Variants in IQCM observed in about 807,000 individuals in gnomAD.
IQCM encodes the protein IQ motif containing M.
Under a neutral mutation model 57.6 loss-of-function variants are expected in IQCM, and 45 were observed. The observed-to-expected ratio is 0.78, with a 90% CI of 0.62 to 1.00. The LOEUF is 1.00. IQCM is among the 50% of genes least tolerant of loss of function. The pLI, the probability that IQCM is intolerant of heterozygous loss-of-function variation, is 0.00. For missense variants in IQCM, 468 were observed against 511.6 expected, an observed-to-expected ratio of 0.91 and a Z score of 0.82; for synonymous variants, 148 against 158.9, an observed-to-expected ratio of 0.93 and a Z score of 0.51.
intron 2 of IQCM, among the ~76,000 whole-genome samples, chr4:149,805,789 T>A (rs1774024227): frequency 6.6e-6 from 1 of 152,052 alleles, no homozygotes; most frequent in Admixed American, 6.6e-5. Flanking sequence ...TTGATTTTTA[T>A]TTTTCATCTA....
intron 13 of IQCM, among the ~76,000 whole-genome samples, chr4:149,407,120 C>T (rs762309331): frequency 1.4e-4 from 22 of 152,094 alleles, no homozygotes; most frequent in East Asian, 3.9e-4. Flanking sequence ...TTACTCACTA[C>T]GATGAGAACA....
intron 10 of IQCM, among the ~76,000 whole-genome samples, chr4:149,554,033 T>C: frequency 6.6e-6 from 1 of 152,200 alleles, no homozygotes; most frequent in East Asian, 1.9e-4. Context: ...TCTTTATTAA[T>C]TCCTTTCTAA....
At chr4:149,638,616 AT>A (rs1757920362) in intron 7 of IQCM, among the ~76,000 whole-genome samples, 1 of 152,226 alleles carries the variant, frequency 6.6e-6, no homozygotes, top group South Asian at 2.1e-4. Flanking sequence ...ATCTAAAAAT[AT>A]TATGCTAATT....
chr4:149,593,900 A>G (rs1329841495), intron 8 of IQCM, among the ~76,000 whole-genome samples: 2 of 152,002 alleles, frequency 1.3e-5, no homozygotes, highest in Admixed American at 1.3e-4. Context: ...TTCATCAGAG[A>G]CATTGGTCTA....
chr4:149,490,197 T>C (rs956649761), intron 12 of IQCM, among the ~76,000 whole-genome samples: 10 of 152,106 alleles, frequency 6.6e-5, no homozygotes, highest in African/African-American at 2.2e-4. Context: ...TAAAATTCTT[T>C]AATTTTCAAT....
intron 2 of IQCM, among the ~76,000 whole-genome samples, chr4:149,802,553 C>T (rs985824362): frequency 1.3e-5 from 2 of 151,932 alleles, no homozygotes; most frequent in Non-Finnish European, 2.9e-5. Context: ...CCCTTGAAAA[C>T]CTGCTTGTAA....
intron 12 of IQCM, among the ~76,000 whole-genome samples, chr4:149,505,297 T>C (rs1743684803): frequency 6.6e-6 from 1 of 152,180 alleles, no homozygotes; most frequent in Non-Finnish European, 1.5e-5. Context: ...TTTAAAATAA[T>C]CTTTGTTTGA....
At chr4:149,490,204 C>T (rs546936358) in intron 12 of IQCM, among the ~76,000 whole-genome samples, 14 of 151,884 alleles carry the variant, frequency 9.2e-5, no homozygotes, top group South Asian at 2.1e-4. Flanking sequence ...CTTTAATTTT[C>T]AATTACCAGA....
At chr4:149,368,937 T>C (rs1438340135) in intron 13 of IQCM, among the ~76,000 whole-genome samples, 1 of 86,174 alleles carries the variant, frequency 1.2e-5, no homozygotes, top group East Asian at 3.0e-4. Context: ...TACACGTGTA[T>C]ATATATGTGT....
chr4:149,438,383 C>A (rs185648156), intron 12 of IQCM, among the ~76,000 whole-genome samples: 1 of 152,154 alleles, frequency 6.6e-6, no homozygotes, highest in East Asian at 1.9e-4. Flanking sequence ...ATGCATCCTT[C>A]ATGGACTACT....
intron 7 of IQCM, among the ~76,000 whole-genome samples, chr4:149,627,923 G>A (rs1756950096): frequency 6.6e-6 from 1 of 152,090 alleles, no homozygotes. Flanking sequence ...ATGGAGTGAT[G>A]TGAAAAAGGG....
At chr4:149,643,301 G>C (rs1758362607) in intron 7 of IQCM, among the ~76,000 whole-genome samples, 1 of 152,166 alleles carries the variant, frequency 6.6e-6, no homozygotes, top group African/African-American at 2.4e-5. Context: ...AGATGAACAA[G>C]AAGAAGCCCC....
chr4:149,555,790 G>T (rs1200792832), intron 10 of IQCM, among the ~76,000 whole-genome samples: 2 of 152,206 alleles, frequency 1.3e-5, no homozygotes, highest in East Asian at 3.8e-4. Flanking sequence ...TTGGACAGAT[G>T]ATGTTTCTGA....
chr4:149,734,645 A>G (rs1469833988), intron 4 of IQCM, among the ~76,000 whole-genome samples: 1 of 152,136 alleles, frequency 6.6e-6, no homozygotes, highest in Admixed American at 6.6e-5. Flanking sequence ...TTTGACACAC[A>G]GTAAACCATC....
chr4:149,779,541 T>C (rs1299549446), intron 2 of IQCM, among the ~76,000 whole-genome samples: 1 of 152,122 alleles, frequency 6.6e-6, no homozygotes, highest in Non-Finnish European at 1.5e-5. Flanking sequence ...AACAAATGGA[T>C]ATCTGTAGAC....
At chr4:149,442,945 CACACACACAGAGAGAGAG>C (rs1347979336) in intron 12 of IQCM, among the ~76,000 whole-genome samples, 3 of 55,382 alleles carry the variant, frequency 5.4e-5, no homozygotes, top group African/African-American at 2.4e-4. Context: ...CACACACACA[CACACACACAGAGAGAGAG>C]AGAGAGAGAG....
intron 12 of IQCM, among the ~76,000 whole-genome samples, chr4:149,481,148 G>C (rs1423596505): frequency 2.0e-5 from 3 of 152,050 alleles, no homozygotes; most frequent in African/African-American, 7.2e-5. Context: ...TCTATATTTT[G>C]GTTATTAATC....
intron 5 of IQCM, among the ~76,000 whole-genome samples, chr4:149,689,289 T>C (rs568963196): frequency 6.6e-6 from 1 of 152,108 alleles, no homozygotes; most frequent in Non-Finnish European, 1.5e-5. Context: ...AATCATCATC[T>C]GCACCAAATT....
chr4:149,406,420 G>T (rs1420053232), intron 13 of IQCM, among the ~76,000 whole-genome samples: 1 of 152,062 alleles, frequency 6.6e-6, no homozygotes. Context: ...GAAGAAGGAA[G>T]AGCATTCAAC....
Sources: gnomAD v4.1 joint callset for allele counts (sites outside exome capture counted in the v4.1 genomes callset) on GRCh38, gnomAD v4.1.1 for gene constraint, MANE v1.5 for transcripts, NCBI Gene and HGNC (gene_info 2026-07-23, HGNC 2026-07-21) for gene names.